Variants in POLR1D observed in about 807,000 individuals in gnomAD.
The protein encoded by POLR1D is DNA-directed RNA polymerases I and III subunit RPAC2.
A neutral mutation model predicts 10.8 loss-of-function variants in POLR1D; 8 were observed. That is an observed-to-expected ratio of 0.74 (90% CI 0.43 to 1.33). The LOEUF is 1.33. POLR1D is among the 40% of genes most tolerant of loss of function. The pLI is 0.01. For missense variants in POLR1D, 152 were observed against 161.7 expected, an observed-to-expected ratio of 0.94 and a Z score of 0.32; for synonymous variants, 54 against 57.2, an observed-to-expected ratio of 0.94 and a Z score of 0.25.
upstream of POLR1D, chr13:27,621,847 G>GCTC (rs1183567969): frequency 1.6e-5 from 14 of 885,864 alleles, no homozygotes; most frequent in African/African-American, 2.2e-4. Flanking sequence ...CGCCGCTGCG[G>GCTC]CTCCTCCTCC....
In POLR1D at chr13:27,623,262, G is replaced by T; in HGVS notation, c.*12G>T. The stretch of plus-strand genomic sequence containing the variant: ...AATCCACATTCTAGTCCTTTATGCA[G>T]TATACAAGGAGAACTGTCCTGTAGG... On this transcript the variant is annotated 3_prime_UTR_variant, in exon 2 of 2. Transcript: ENST00000302979. 1 of 1,613,238 alleles carries T rather than the reference G, an allele frequency of 6.2e-7. No individual in the cohort carries two copies. Among genetic ancestry groups the T allele is most frequent in the South Asian group, 1.1e-5 (1 of 90,638 alleles).
chr13:27,660,149 T>C (rs1266822028), intron 2 of POLR1D, among the ~76,000 whole-genome samples: 1 of 152,196 alleles, frequency 6.6e-6, no homozygotes, highest in East Asian at 1.9e-4. Flanking sequence ...TGCCAAATTA[T>C]AAACTGTAGC....
chr13:27,667,152 C>G (rs1046878126), exon 3 of POLR1D: 6 of 152,112 alleles, frequency 3.9e-5, no homozygotes, highest in African/African-American at 1.4e-4. Flanking sequence ...AGTGACAAGC[C>G]CAAGTCATTC....
intron 1 of POLR1D, among the ~76,000 whole-genome samples, chr13:27,644,020 T>C (rs12870355): frequency 0.022 from 3,410 of 152,308 alleles, 39 homozygotes; most frequent in South Asian, 0.056. Flanking sequence ...AGGTGACTTT[T>C]AAAGACTGAG....
intron 1 of POLR1D, among the ~76,000 whole-genome samples, chr13:27,628,798 G>A (rs548905609): frequency 6.6e-6 from 1 of 152,204 alleles, no homozygotes; most frequent in South Asian, 2.1e-4. Context: ...TATGTATATT[G>A]GAGGGGCTTA....
intron 1 of POLR1D, among the ~76,000 whole-genome samples, chr13:27,622,646 C>T (rs1955958747): frequency 6.6e-6 from 1 of 152,028 alleles, no homozygotes; most frequent in African/African-American, 2.4e-5. Context: ...TAAGAAAACT[C>T]CCCTTGTGGC....
chr13:27,652,486 T>C (rs193220690), intron 2 of POLR1D, among the ~76,000 whole-genome samples: 1 of 152,288 alleles, frequency 6.6e-6, no homozygotes, highest in East Asian at 1.9e-4. Flanking sequence ...AATCATAGGG[T>C]ATGACTCTTT....
At chr13:27,621,872 C>A, upstream of POLR1D, 1 of 1,155,680 alleles carries the variant, frequency 8.7e-7, no homozygotes, top group Non-Finnish European at 1.3e-6. Context: ...TTCCGTCCTC[C>A]GCGCCTTCCG....
chr13:27,641,490 C>T (rs1956172658), intron 1 of POLR1D, among the ~76,000 whole-genome samples: 1 of 152,054 alleles, frequency 6.6e-6, no homozygotes, highest in Non-Finnish European at 1.5e-5. Flanking sequence ...CACATTAATC[C>T]AAATATTACC....
At chr13:27,625,228 G>T (rs1212604357), downstream of POLR1D, among the ~76,000 whole-genome samples, 1 of 152,138 alleles carries the variant, frequency 6.6e-6, no homozygotes, top group Non-Finnish European at 1.5e-5. Flanking sequence ...TTGGATTTTA[G>T]GTTCAGTGGG....
intron 2 of POLR1D, among the ~76,000 whole-genome samples, chr13:27,659,574 C>T (rs1267656437): frequency 6.6e-6 from 1 of 152,280 alleles, no homozygotes; most frequent in Non-Finnish European, 1.5e-5. Flanking sequence ...GGATTATTGT[C>T]TGATAACATG....
chr13:27,650,226 C>T (rs1033528474), intron 2 of POLR1D: 3 of 392,454 alleles, frequency 7.6e-6, no homozygotes, highest in Admixed American at 4.4e-5. Flanking sequence ...GTTTTTATTG[C>T]GGTTTCATTA....
In POLR1D at chr13:27,663,131, G is replaced by T. The variant is rs1227237389; in HGVS notation, c.102-2555G>T. On this transcript the variant is annotated intron_variant, in intron 2 of 2. Transcript: ENST00000399697. This position sits in a 1 kb window ranked among gnomAD's most constrained non-coding sequence, Gnocchi z 4.1. ...CCGTCCTTAGACTTGGATCTATTCTGTGCAGATTTTGGAATTTCTTTATAT... is the reference window on the plus strand; with the variant it reads ...CCGTCCTTAGACTTGGATCTATTCTTTGCAGATTTTGGAATTTCTTTATAT... Among the ~76,000 whole-genome samples the T allele has an allele frequency of 6.6e-6, 1 of 152,200 alleles. No homozygotes were observed. The highest frequency in any genetic ancestry group is 2.4e-5 in the African/African-American group (1 of 41,432).
chr13:27,635,586 A>C (rs575348348), intron 1 of POLR1D, among the ~76,000 whole-genome samples: 1 of 151,888 alleles, frequency 6.6e-6, no homozygotes. Context: ...GTTAACATAC[A>C]TAACTATCAA....
At chr13:27,623,508 C>G (rs560128660), downstream of POLR1D, 73 of 520,974 alleles carry the variant, frequency 1.4e-4, no homozygotes, top group African/African-American at 1.4e-3. Context: ...GACTTTTTTT[C>G]TAATTAAGCC....
At chr13:27,646,543 A>G (rs895476469) in intron 1 of POLR1D, among the ~76,000 whole-genome samples, 2 of 152,224 alleles carry the variant, frequency 1.3e-5, no homozygotes, top group Non-Finnish European at 2.9e-5. Context: ...TAGATAGGCA[A>G]GCGCTTTAGT....
At chr13:27,623,496 A>G, downstream of POLR1D, 2 of 707,278 alleles carry the variant, frequency 2.8e-6, no homozygotes, top group Non-Finnish European at 4.0e-6. Context: ...GTCCTTGAGG[A>G]TGACTTTTTT....
intron 2 of POLR1D, among the ~76,000 whole-genome samples, chr13:27,660,370 A>G (rs1285652639): frequency 6.6e-6 from 1 of 152,234 alleles, no homozygotes; most frequent in Non-Finnish European, 1.5e-5. Context: ...ATTTGCTAGT[A>G]TGGGAATGGA....
At chr13:27,625,542 C>CA (rs1474096520), downstream of POLR1D, among the ~76,000 whole-genome samples, 1 of 151,546 alleles carries the variant, frequency 6.6e-6, no homozygotes, top group Non-Finnish European at 1.5e-5. Flanking sequence ...TGATAGGAGT[C>CA]AAAAGTTTCA....
Sources: gnomAD v4.1 joint callset for allele counts (sites outside exome capture counted in the v4.1 genomes callset) on GRCh38, gnomAD v4.1.1 for gene constraint, Gnocchi (gnomAD v3.1) non-coding constraint, MANE v1.5 for transcripts, NCBI Gene and HGNC (gene_info 2026-07-23, HGNC 2026-07-21) for gene names.